The following MROH9 variants were observed in gnomAD, a reference collection of about 807,000 sequenced individuals.
MROH9 encodes the protein maestro heat like repeat family member 9.
Under a neutral mutation model 98.2 loss-of-function variants are expected in MROH9, and 92 were observed. The observed-to-expected ratio is 0.94, with a 90% CI of 0.79 to 1.11. The LOEUF (loss-of-function observed/expected upper bound fraction) is 1.11. Among genes scored for constraint, MROH9 ranks in the 50% most tolerant of loss-of-function variants. The pLI is 0.00. For synonymous variants in MROH9, 397 were observed against 368.9 expected (o/e 1.08, Z -0.87); for missense variants, 1,057 against 1,014.8 (o/e 1.04, Z -0.57).
intron 21 of MROH9, among the ~76,000 whole-genome samples, chr1:171,062,617 A>G (rs1347576373): frequency 6.6e-6 from 1 of 152,254 alleles, no homozygotes; most frequent in Non-Finnish European, 1.5e-5. Context: ...TTCACATTTT[A>G]GTGGATAGCA....
chr1:170,963,418 T>C (rs1194152136), intron 6 of MROH9, among the ~76,000 whole-genome samples: 1 of 152,148 alleles, frequency 6.6e-6, no homozygotes, highest in African/African-American at 2.4e-5. Context: ...CAAAACAGCA[T>C]GGTGATTCCT....
At chr1:171,024,269 T>C in intron 17 of MROH9, 126 bp from the exon 18 acceptor site, 1 of 707,538 alleles carries the variant, frequency 1.4e-6, no homozygotes, top group Non-Finnish European at 2.3e-6. Context: ...TGTATGTATA[T>C]ATACACATAT....
At chr1:171,030,727 C>T (rs568759885) in intron 20 of MROH9, among the ~76,000 whole-genome samples, 5 of 152,282 alleles carry the variant, frequency 3.3e-5, no homozygotes, top group African/African-American at 1.2e-4. Flanking sequence ...AGTTTAGAAT[C>T]AGTGCCATGT....
At position 171,024,439 on chromosome 1, in the gene MROH9, AT is replaced by A. The variant is rs1473125787; in HGVS notation, c.1955del (p.Leu652Ter). 4.5e-6 allele frequency: 7 copies of A among 1,551,424 alleles called. No individual in the cohort carries two copies. The highest frequency in any genetic ancestry group is 8.7e-7 in the Non-Finnish European group (1 of 1,146,898). ...GTATGGCAATTCGACACTTTGGTCA[AT>A]TAGTTAGGGATATGAGACAGTACAC... ...RSMAIRHFGQ[L>X]VRDMRQYTWM... On this transcript the variant is annotated frameshift_variant, in exon 18 of 22. Coordinates refer to ENST00000367759, the MANE Select transcript of MROH9 (RefSeq NM_001163629.2). LOFTEE classifies it high-confidence loss of function.
chr1:171,063,849 A>G (rs1654084750), intron 21 of MROH9, among the ~76,000 whole-genome samples: 1 of 152,210 alleles, frequency 6.6e-6, no homozygotes, highest in African/African-American at 2.4e-5. Context: ...TCAGCACATA[A>G]AAGGTCCTTG....
chr1:171,046,455 T>A (rs1653476004), intron 20 of MROH9, among the ~76,000 whole-genome samples: 1 of 152,216 alleles, frequency 6.6e-6, no homozygotes, highest in South Asian at 2.1e-4. Flanking sequence ...GTGTATCTAT[T>A]GTACATTTTT....
At chr1:170,992,930 C>T (rs1256984488) in intron 12 of MROH9, among the ~76,000 whole-genome samples, 2 of 152,118 alleles carry the variant, frequency 1.3e-5, no homozygotes, top group Non-Finnish European at 2.9e-5. Context: ...TTTTATTCTC[C>T]TGAAAACCAA....
At chr1:170,998,590 TG>T in intron 15 of MROH9, 1 of 1,329,650 alleles carries the variant, frequency 7.5e-7, no homozygotes, top group Non-Finnish European at 9.6e-7. Context: ...GAGGGATAAT[TG>T]GGTTTAATAA....
rs777723336 is a variant in MROH9, at chr1:171,064,278, C to A, written c.2524C>A (p.Pro842Thr). 1 of 1,551,210 alleles carries A rather than the reference C, an allele frequency of 6.4e-7. No individual in the cohort carries two copies. Among genetic ancestry groups the A allele is most frequent in the South Asian group, 1.2e-5 (1 of 83,998 alleles). The change falls in exon 22 of 22, where the codon CCC (proline) becomes ACC (threonine). Residue 842 changes from proline to threonine, a missense_variant. Pro to Thr is a conservative substitution (Grantham distance 38). Transcript: ENST00000367759. ...GAAGCCTCTTTACAATTATAACTCA[C>A]CCAATGGCCAGATAGACAGTCCTAC... ...KLKPLYNYNSPNGQIDSPTDS... is the reference protein window; with the variant it reads ...KLKPLYNYNSTNGQIDSPTDS...
intron 15 of MROH9, among the ~76,000 whole-genome samples, chr1:171,011,292 T>C (rs1198747342): frequency 6.6e-6 from 1 of 152,216 alleles, no homozygotes; most frequent in Non-Finnish European, 1.5e-5. Context: ...TGAAAAGTTG[T>C]TAGAGAATGG....
chr1:171,009,940 TA>T (rs1452377904), intron 15 of MROH9, among the ~76,000 whole-genome samples: 4 of 152,186 alleles, frequency 2.6e-5, no homozygotes, highest in South Asian at 2.1e-4. Context: ...ATTGTAACAT[TA>T]TTTTTTTTCC....
At chr1:170,941,440 C>T (rs1649115466) in intron 1 of MROH9, among the ~76,000 whole-genome samples, 1 of 152,114 alleles carries the variant, frequency 6.6e-6, no homozygotes, top group African/African-American at 2.4e-5. Flanking sequence ...TGACCTAGAA[C>T]TTTTATGCTT....
intron 17 of MROH9, among the ~76,000 whole-genome samples, chr1:171,017,626 T>C (rs1313747730): frequency 1.3e-5 from 2 of 151,822 alleles, no homozygotes; most frequent in African/African-American, 4.8e-5. Context: ...GCACTCAGAC[T>C]GATAGCCACC....
intron 5 of MROH9, among the ~76,000 whole-genome samples, 182 bp from the exon 6 acceptor site, chr1:170,961,708 C>T (rs767939850): frequency 2.0e-5 from 3 of 151,936 alleles, no homozygotes; most frequent in Admixed American, 6.6e-5. Context: ...TGAGATAATG[C>T]TAAAATTCTT....
At chr1:170,968,951 A>G (rs1397458557) in intron 7 of MROH9, among the ~76,000 whole-genome samples, 1 of 152,162 alleles carries the variant, frequency 6.6e-6, no homozygotes, top group Non-Finnish European at 1.5e-5. Flanking sequence ...CAGCACAGGA[A>G]AACTTAAATA....
At chr1:170,957,463 C>G (rs1571448353) in intron 3 of MROH9, among the ~76,000 whole-genome samples, 1 of 152,144 alleles carries the variant, frequency 6.6e-6, no homozygotes, top group Admixed American at 6.5e-5. Flanking sequence ...TCTCCCTTAT[C>G]AAAGATTACT....
intron 2 of MROH9, among the ~76,000 whole-genome samples, chr1:170,947,101 T>A (rs150873013): frequency 1.3e-5 from 2 of 152,028 alleles, no homozygotes; most frequent in Admixed American, 6.6e-5. Context: ...CTGACTTTTT[T>A]ATCTATCACA....
chr1:170,968,678 T>C (rs992537933), intron 7 of MROH9, among the ~76,000 whole-genome samples: 15 of 151,984 alleles, frequency 9.9e-5, no homozygotes, highest in Admixed American at 9.8e-4. Context: ...AGCCCAGGAG[T>C]TCTAGGCTGC....
Position 171,025,876 on chromosome 1 carries a change from A to G in MROH9, c.2281+456A>G, listed in dbSNP as rs192920856. Among the ~76,000 whole-genome samples the G allele has an allele frequency of 7.3e-3, 1,110 of 152,326 alleles. 12 individuals are homozygous for G. The highest frequency in any genetic ancestry group is 0.026 in the African/African-American group (1,064 of 41,568). On this transcript the variant is annotated intron_variant, in intron 20 of 21. Transcript: ENST00000367759. Reference sequence around the variant, plus strand: ...GCAGGGGCAACCCAGGAAGACTCTAAGACTAGACAAGTTTTTTATATCAGA... The same window carrying G: ...GCAGGGGCAACCCAGGAAGACTCTAGGACTAGACAAGTTTTTTATATCAGA...
Sources: allele counts gnomAD v4.1 joint callset (sites outside exome capture counted in the v4.1 genomes callset), GRCh38; gene constraint gnomAD v4.1.1; transcripts MANE v1.5; gene names NCBI Gene and HGNC (gene_info 2026-07-23, HGNC 2026-07-21).